Variants in CDH23 observed in about 807,000 individuals in gnomAD.
CDH23 encodes cadherin related 23.
In CDH23, 189 loss-of-function variants were observed where a neutral mutation model predicts 317.1. That is an observed-to-expected ratio of 0.60 (90% CI 0.53 to 0.67). The LOEUF (loss-of-function observed/expected upper bound fraction) is 0.67. Ranked by LOEUF, CDH23 falls within the 30% of genes least tolerant of loss-of-function variation. The probability of loss-of-function intolerance (pLI) is 0.00; values close to 1 mark genes in which losing one functional copy is unlikely to be tolerated. For synonymous variants in CDH23, 1,839 were observed against 1,876.8 expected (o/e 0.98, Z 0.52); for missense variants, 4,401 against 4,592.4 (o/e 0.96, Z 1.20).
intron 36 of CDH23, among the ~76,000 whole-genome samples, chr10:71,740,420 A>G (rs1312508468): frequency 6.6e-6 from 1 of 152,226 alleles, no homozygotes; most frequent in East Asian, 1.9e-4. Flanking sequence ...ATCATGGGAC[A>G]GAGTGCGTGG....
chr10:71,503,813 G>A lies in CDH23; in HGVS notation c.146-6269G>A, dbSNP rs78437605. Reference sequence around the variant, plus strand: ...CGCCACCCGAGAGGTGAATAATGAGGAAGCTGCCGTAGAGGTGGAGTGACC... The same window carrying A: ...CGCCACCCGAGAGGTGAATAATGAGAAAGCTGCCGTAGAGGTGGAGTGACC... On this transcript the variant is annotated intron_variant, in intron 3 of 69. Transcript: ENST00000224721. Among the ~76,000 whole-genome samples, 905 of 152,262 alleles carry A rather than the reference G, an allele frequency of 5.9e-3. 7 individuals carry two copies. Among genetic ancestry groups the A allele is most frequent in the African/African-American group, 0.02 (848 of 41,542 alleles).
intron 9 of CDH23, among the ~76,000 whole-genome samples, chr10:71,582,860 C>G (rs1315269819): frequency 6.6e-6 from 1 of 152,224 alleles, no homozygotes; most frequent in East Asian, 1.9e-4. Flanking sequence ...GGTCAGGAGA[C>G]AGACCTATGC....
chr10:71,684,791 A>C (rs1189360145), intron 18 of CDH23, among the ~76,000 whole-genome samples: 1 of 152,190 alleles, frequency 6.6e-6, no homozygotes, highest in Non-Finnish European at 1.5e-5. Flanking sequence ...TGGGGAGTGG[A>C]TGCTGGAGAG....
intron 1 of CDH23, among the ~76,000 whole-genome samples, chr10:71,426,712 T>C (rs1028035012): frequency 1.1e-4 from 16 of 152,260 alleles, no homozygotes; most frequent in Non-Finnish European, 1.9e-4. Context: ...TTTTTAATTT[T>C]TTAAAACTGT....
At position 71,807,421 on chromosome 10, in the gene CDH23, A is replaced by G; in HGVS notation, c.8308+15A>G. On this transcript the variant is annotated intron_variant, in intron 58 of 69. Transcript: ENST00000224721. ...CTTCATCGCAGGTGGGGCCAGACAG[A>G]GCTAGTGCCCTGATTACCCTGGGGC... is the stretch of plus-strand genomic sequence containing the variant. 6.2e-7 allele frequency: 1 copy of G among 1,613,664 alleles called. No individual in the cohort carries two copies. The highest frequency in any genetic ancestry group is 1.3e-5 in the African/African-American group (1 of 75,006).
chr10:71,566,966 C>T, intron 7 of CDH23, 30 bp downstream of exon 7: 1 of 1,600,352 alleles, frequency 6.2e-7, no homozygotes, highest in Non-Finnish European at 8.5e-7. Flanking sequence ...CCCCGGCCGT[C>T]CCAGCTGCCT....
chr10:71,807,919 C>T lies in CDH23; in HGVS notation c.8634C>T (p.Asn2878=). ...CCCTGGATGCAGACATTGGCAACAA[C>T]AGCCTTGTCTTCTACAGCATTCTGG... The part of the protein sequence containing the change: ...VLALDADIGN[N]SLVFYSILAI... Residue 2878 remains asparagine (N), a synonymous_variant, in exon 60 of 70, where the codon AAC becomes AAT. Transcript: ENST00000224721. The T allele has an allele frequency of 6.2e-7, 1 of 1,604,492 alleles. No individual in the cohort carries two copies.
intron 9 of CDH23, among the ~76,000 whole-genome samples, chr10:71,612,890 C>T (rs1467478157): frequency 1.3e-5 from 2 of 152,270 alleles, no homozygotes; most frequent in Non-Finnish European, 1.5e-5. Context: ...GCTCTGTCGC[C>T]CAGGCTGGAG....
In CDH23 at chr10:71,799,731, C is replaced by T. The variant is rs1841506341; in HGVS notation, c.7362+102C>T. The T allele has an allele frequency of 6.0e-6, 9 of 1,495,570 alleles. No individual in the cohort carries two copies. The Middle Eastern group carries it at 6.0e-4, about 100-fold the overall frequency. 92.6% of individuals were successfully genotyped at this position (1,495,570 alleles called of 1,614,324 possible). ...TTGTAGTAATCCCTCTGGGTCTTGT[C>T]GCCTGGACATCTGCATCCCCAGAGG... On this transcript the variant is annotated intron_variant, in intron 52 of 69. Transcript: ENST00000224721.
At chr10:71,427,233 G>GAAAGAAAGAA (rs767591776) in intron 1 of CDH23, among the ~76,000 whole-genome samples, 2 of 72,400 alleles carry the variant, frequency 2.8e-5, no homozygotes, top group Non-Finnish European at 6.0e-5. Context: ...AAGAAAGAAA[G>GAAAGAAAGAA]AAAGAAAGAA....
chr10:71,453,475 G>T (rs1038807810), intron 3 of CDH23, among the ~76,000 whole-genome samples: 6 of 152,224 alleles, frequency 3.9e-5, no homozygotes, highest in Non-Finnish European at 8.8e-5. Context: ...GGCTTTGTGG[G>T]CAGCCAAGGC....
chr10:71,546,442 T>C (rs1856287577), intron 6 of CDH23, among the ~76,000 whole-genome samples: 1 of 152,086 alleles, frequency 6.6e-6, no homozygotes, highest in Non-Finnish European at 1.5e-5. Flanking sequence ...TAAGGTGGTG[T>C]AATAAATGCT....
At chr10:71,523,006 C>A (rs984584281) in intron 6 of CDH23, among the ~76,000 whole-genome samples, 4 of 152,156 alleles carry the variant, frequency 2.6e-5, no homozygotes, top group African/African-American at 9.7e-5. Flanking sequence ...TGTCTGCCCC[C>A]CAAAGCAAGC....
At chr10:71,761,167 G>A (rs1035054622) in intron 38 of CDH23, among the ~76,000 whole-genome samples, 6 of 152,062 alleles carry the variant, frequency 3.9e-5, no homozygotes, top group East Asian at 3.9e-4. Context: ...ACCTCTATCC[G>A]AACCATGGGC....
intron 3 of CDH23, among the ~76,000 whole-genome samples, chr10:71,462,235 T>G (rs1177628815): frequency 1.3e-5 from 2 of 152,222 alleles, no homozygotes; most frequent in Non-Finnish European, 2.9e-5. Flanking sequence ...CGGCCCCGCC[T>G]TGTGTGTTTA....
intron 14 of CDH23, among the ~76,000 whole-genome samples, chr10:71,649,403 G>A (rs543667031): frequency 1.2e-4 from 19 of 152,370 alleles, no homozygotes; most frequent in South Asian, 1.0e-3. Context: ...GGCAGGAGCC[G>A]AGCGTCCCCA....
intron 38 of CDH23, among the ~76,000 whole-genome samples, chr10:71,746,358 C>A (rs562107577): frequency 6.6e-6 from 1 of 152,250 alleles, no homozygotes; most frequent in East Asian, 1.9e-4. Context: ...CTCGTCCCCC[C>A]AGGTTCCTGA....
chr10:71,509,951 A>G (rs893858858), intron 3 of CDH23, 131 bp from the exon 4 acceptor site: 6 of 988,190 alleles, frequency 6.1e-6, no homozygotes, highest in Non-Finnish European at 9.3e-6. Flanking sequence ...GGGCCTTGTG[A>G]TGATCTGTGG....
intron 39 of CDH23, 79 bp downstream of exon 39, chr10:71,777,980 G>A (rs1282292011): frequency 4.6e-6 from 7 of 1,524,408 alleles, no homozygotes; most frequent in Non-Finnish European, 5.4e-6. Context: ...ACACTGGAGG[G>A]GGATGGAGCA....
Sources: allele counts gnomAD v4.1 joint callset (sites outside exome capture counted in the v4.1 genomes callset), GRCh38; gene constraint gnomAD v4.1.1; transcripts MANE v1.5; gene names NCBI Gene and HGNC (gene_info 2026-07-23, HGNC 2026-07-21).